The following CARMIL1 variants were observed in gnomAD, a reference collection of about 807,000 sequenced individuals.
The protein encoded by CARMIL1 is F-actin-uncapping protein LRRC16A.
CARMIL1 carries 90 observed loss-of-function variants against 177.1 expected under a neutral mutation model. The ratio of observed to expected loss-of-function variants is 0.51; its 90% CI spans 0.43 to 0.61. CARMIL1 has a LOEUF of 0.61. Ranked by LOEUF, CARMIL1 falls within the 20% of genes least tolerant of loss-of-function variation. The probability of loss-of-function intolerance (pLI) is 0.00; values close to 1 mark genes in which losing one functional copy is unlikely to be tolerated. For synonymous variants in CARMIL1, 577 were observed against 606.2 expected, an observed-to-expected ratio of 0.95 and a Z score of 0.71; for missense variants, 1,380 against 1,667.0, an observed-to-expected ratio of 0.83 and a Z score of 3.00.
intron 2 of CARMIL1, among the ~76,000 whole-genome samples, chr6:25,381,345 A>T (rs1193668341): frequency 6.7e-6 from 1 of 149,342 alleles, no homozygotes; most frequent in Non-Finnish European, 1.5e-5. Flanking sequence ...TTCTACTCAC[A>T]ACACTTCTGA....
chr6:25,417,645 G>A (rs1367579645), intron 2 of CARMIL1, among the ~76,000 whole-genome samples: 1 of 151,156 alleles, frequency 6.6e-6, no homozygotes, highest in East Asian at 2.0e-4. Context: ...CGAGGAGGCA[G>A]GATTGAGTAG....
intron 8 of CARMIL1, chr6:25,452,079 C>T (rs1388567412): frequency 1.4e-6 from 1 of 690,174 alleles, no homozygotes; most frequent in Non-Finnish European, 2.7e-6. Flanking sequence ...CTGAAGAGCT[C>T]TAGCCAACTG....
intron 8 of CARMIL1, among the ~76,000 whole-genome samples, chr6:25,458,332 C>T (rs971144353): frequency 6.6e-6 from 1 of 151,668 alleles, no homozygotes; most frequent in African/African-American, 2.4e-5. Context: ...ACTAAAAATA[C>T]AAAAAATTAG....
chr6:25,379,775 G>T (rs1032749741), intron 2 of CARMIL1, among the ~76,000 whole-genome samples: 1 of 152,066 alleles, frequency 6.6e-6, no homozygotes, highest in African/African-American at 2.4e-5. Context: ...CTTTTAGCCT[G>T]GTTAAGTAAA....
At chr6:25,284,491 C>G (rs1382531171) in intron 1 of CARMIL1, among the ~76,000 whole-genome samples, 2 of 152,220 alleles carry the variant, frequency 1.3e-5, no homozygotes, top group Non-Finnish European at 2.9e-5. Context: ...AGGCGGATCA[C>G]TTGAGGTCAG....
intron 2 of CARMIL1, among the ~76,000 whole-genome samples, chr6:25,348,565 C>T (rs1196187472): frequency 6.6e-6 from 1 of 151,634 alleles, no homozygotes; most frequent in African/African-American, 2.4e-5. Context: ...GGGCGGATCA[C>T]GAGGTCAGGA....
intron 2 of CARMIL1, among the ~76,000 whole-genome samples, chr6:25,401,158 G>C (rs538654178): frequency 6.6e-6 from 1 of 151,682 alleles, no homozygotes; most frequent in Non-Finnish European, 1.5e-5. Context: ...TTATTTTAAC[G>C]GTTCACATTT....
intron 8 of CARMIL1, among the ~76,000 whole-genome samples, chr6:25,457,667 G>A (rs1403624271): frequency 2.0e-5 from 3 of 152,162 alleles, no homozygotes; most frequent in Non-Finnish European, 2.9e-5. Context: ...TTTACCAGCC[G>A]TTCCACGAGA....
chr6:25,472,089 T>C (rs961618901), intron 10 of CARMIL1, among the ~76,000 whole-genome samples: 1 of 152,160 alleles, frequency 6.6e-6, no homozygotes, highest in African/African-American at 2.4e-5. Flanking sequence ...GTGAATACTA[T>C]AATTTTCATG....
At position 25,449,942 on chromosome 6, in the gene CARMIL1, C is replaced by T; in HGVS notation, c.416C>T (p.Ala139Val). ...KVSMEPSERL[A>V]SLQALWDSQT... ...TCCATGGAGCCATCTGAGCGCCTGG[C>T]TAGTCTCCAGGCGCTGTGGGACAGC... The change falls in exon 6 of 37, where the codon GCT becomes GTT. Residue 139 changes from alanine to valine, a missense_variant. Transcript: ENST00000329474. 1 of 1,611,928 alleles carries T rather than the reference C, an allele frequency of 6.2e-7. No homozygotes were observed. Among genetic ancestry groups the T allele is most frequent in the South Asian group, 1.1e-5 (1 of 90,862 alleles).
chr6:25,344,420 T>C (rs189844759), intron 2 of CARMIL1, among the ~76,000 whole-genome samples: 1 of 152,284 alleles, frequency 6.6e-6, no homozygotes, highest in African/African-American at 2.4e-5. Flanking sequence ...TCATTCTTGC[T>C]TGACTAAATC....
At chr6:25,287,207 T>A (rs924479039) in intron 2 of CARMIL1, among the ~76,000 whole-genome samples, 2 of 152,212 alleles carry the variant, frequency 1.3e-5, no homozygotes, top group Admixed American at 6.5e-5. Flanking sequence ...CATAAATGAG[T>A]TGGCTGAATA....
chr6:25,376,734 G>C (rs1041793736), intron 2 of CARMIL1, among the ~76,000 whole-genome samples: 5 of 152,120 alleles, frequency 3.3e-5, no homozygotes, highest in African/African-American at 1.2e-4. Context: ...TATTTACTGA[G>C]TTGAACAGCT....
At chr6:25,610,896 A>T (rs1023487556) in intron 36 of CARMIL1, among the ~76,000 whole-genome samples, 1 of 152,142 alleles carries the variant, frequency 6.6e-6, no homozygotes, top group African/African-American at 2.4e-5. Flanking sequence ...GTCCTATGTA[A>T]TGTATAGTGT....
chr6:25,420,211 C>A (rs377007829), intron 3 of CARMIL1, 47 bp downstream of exon 3: 2 of 1,556,338 alleles, frequency 1.3e-6, no homozygotes, highest in Non-Finnish European at 1.8e-6. Flanking sequence ...CTCACTCATA[C>A]CCACTCATGC....
chr6:25,295,001 C>T (rs767577741), intron 2 of CARMIL1, among the ~76,000 whole-genome samples: 1 of 152,130 alleles, frequency 6.6e-6, no homozygotes, highest in Non-Finnish European at 1.5e-5. Flanking sequence ...CTAAGTGCAA[C>T]CTGCCTGGTG....
intron 8 of CARMIL1, among the ~76,000 whole-genome samples, chr6:25,456,253 G>T (rs1325496809): frequency 6.6e-6 from 1 of 152,150 alleles, no homozygotes; most frequent in Non-Finnish European, 1.5e-5. Flanking sequence ...CTATATAGGT[G>T]CTTCATGGTA....
At chr6:25,306,879 C>CTTTTTTTT (rs35585232) in intron 2 of CARMIL1, among the ~76,000 whole-genome samples, 1 of 105,948 alleles carries the variant, frequency 9.4e-6, no homozygotes, top group African/African-American at 3.8e-5. Flanking sequence ...AGTGCCTTGG[C>CTTTTTTTT]TTTTTTTTTT....
Position 25,279,641 on chromosome 6 carries a change from G to T in CARMIL1, c.-155G>T. ...TTTTTTTTTTGGTGGGGCGGGGGGC[G>T]CGCGGCAAAATTCTGTCTCCGCCCC... On this transcript the variant is annotated 5_prime_UTR_variant, in exon 1 of 37. Transcript: ENST00000329474. 1.5e-6 allele frequency: 1 copy of T among 651,712 alleles called. No homozygotes were observed. Among genetic ancestry groups the T allele is most frequent in the Non-Finnish European group, 2.8e-6 (1 of 363,614 alleles). 40.4% of individuals were successfully genotyped at this position (651,712 alleles called of 1,614,324 possible).
Sources: allele counts gnomAD v4.1 joint callset (sites outside exome capture counted in the v4.1 genomes callset), GRCh38; gene constraint gnomAD v4.1.1; transcripts MANE v1.5; gene names NCBI Gene and HGNC (gene_info 2026-07-23, HGNC 2026-07-21).